Variants in VCL observed in about 807,000 individuals in gnomAD.
VCL encodes the protein epididymis luminal protein 114.
Under a neutral mutation model 125.7 loss-of-function variants are expected in VCL, and 47 were observed. The ratio of observed to expected loss-of-function variants is 0.37; its 90% CI spans 0.30 to 0.48. VCL has a LOEUF of 0.48. VCL is among the 20% of genes least tolerant of loss of function. VCL has a pLI of 0.99. For synonymous variants in VCL, 458 were observed against 514.6 expected (o/e 0.89, Z 1.49); for missense variants, 1,069 against 1,455.5 (o/e 0.73, Z 4.32).
At chr10:74,012,748 C>T (rs1840459066) in intron 1 of VCL, among the ~76,000 whole-genome samples, 1 of 152,132 alleles carries the variant, frequency 6.6e-6, no homozygotes, top group African/African-American at 2.4e-5. Context: ...CCCAAACTCA[C>T]TGGGTTTTTG....
chr10:74,072,774 C>G lies in VCL; in HGVS notation c.544C>G (p.Leu182Val). Residue 182 changes from leucine to valine, a missense_variant, in exon 5 of 22, where the codon CTC becomes GTC. This residue lies in a region of VCL where 760 missense variants were observed against 928.9 expected (regional missense o/e 0.82). Coordinates refer to ENST00000211998, the MANE Select transcript of VCL (RefSeq NM_014000.3). ...AKMIDERQQE[L>V]THQEHRVMLV... ...GATGATTGACGAGAGACAGCAGGAGCTCACTCACCAGGAGCACCGAGTGAT... is the reference window on the plus strand; with the variant it reads ...GATGATTGACGAGAGACAGCAGGAGGTCACTCACCAGGAGCACCGAGTGAT... 6.2e-7 allele frequency: 1 copy of G among 1,614,106 alleles called. No individual in the cohort carries two copies. The highest frequency in any genetic ancestry group is 8.5e-7 in the Non-Finnish European group (1 of 1,180,008).
chr10:74,007,125 A>G (rs545262110), intron 1 of VCL, among the ~76,000 whole-genome samples: 419 of 152,190 alleles, frequency 2.8e-3, no homozygotes, highest in Middle Eastern at 0.017. Flanking sequence ...ATCATGCCCA[A>G]CTATTTTTGT....
At chr10:74,001,059 C>T (rs898507017) in intron 1 of VCL, among the ~76,000 whole-genome samples, 2 of 152,082 alleles carry the variant, frequency 1.3e-5, no homozygotes, top group African/African-American at 4.8e-5. Context: ...GAAGTTAGTG[C>T]GTGACATATG....
chr10:74,065,699 A>G (rs949860695), intron 2 of VCL, among the ~76,000 whole-genome samples: 1 of 150,462 alleles, frequency 6.6e-6, no homozygotes, highest in African/African-American at 2.5e-5. Context: ...AAAAAAAGAA[A>G]AAAAAAGCAA....
rs551418878 is a variant in VCL, at chr10:73,998,144, G to T, written c.-64G>T. ...CGCTGCACAGTCTGTCTCTTCGCCGGTTCCCGGCCCCGTGGATCCTACTTC... is the reference window on the plus strand; with the variant it reads ...CGCTGCACAGTCTGTCTCTTCGCCGTTTCCCGGCCCCGTGGATCCTACTTC... On this transcript the variant is annotated 5_prime_UTR_variant, in exon 1 of 22. Coordinates refer to ENST00000211998, the MANE Select transcript of VCL (RefSeq NM_014000.3). The T allele has an allele frequency of 2.5e-6, 4 of 1,581,022 alleles. No individual in the cohort carries two copies. Among genetic ancestry groups the T allele is most frequent in the East Asian group, 4.7e-5 (2 of 42,800 alleles).
intron 15 of VCL, 164 bp from the exon 16 acceptor site, chr10:74,104,887 T>C: frequency 1.3e-6 from 1 of 781,690 alleles, no homozygotes; most frequent in Non-Finnish European, 2.0e-6. Context: ...TTTTTTTAAC[T>C]GTGGTGTTTA....
At chr10:74,056,365 G>A (rs968625654) in intron 2 of VCL, among the ~76,000 whole-genome samples, 1 of 152,038 alleles carries the variant, frequency 6.6e-6, no homozygotes, top group Non-Finnish European at 1.5e-5. Context: ...AATGGAAATT[G>A]TATATATTTA....
intron 19 of VCL, among the ~76,000 whole-genome samples, chr10:74,113,155 A>T (rs911219547): frequency 6.6e-6 from 1 of 152,212 alleles, no homozygotes. Context: ...ATGAGGGGAA[A>T]AATGAGTAGG....
At chr10:74,110,428 T>C (rs1840203125) in intron 18 of VCL, among the ~76,000 whole-genome samples, 1 of 152,210 alleles carries the variant, frequency 6.6e-6, no homozygotes, top group Admixed American at 6.5e-5. Context: ...GATCAGGAGT[T>C]TGCTGACTTT....
chr10:74,000,259 CTTT>C (rs34197555), intron 1 of VCL, among the ~76,000 whole-genome samples: 1 of 114,822 alleles, frequency 8.7e-6, no homozygotes, highest in Non-Finnish European at 1.7e-5. Context: ...TTGTATTTTG[CTTT>C]TTTTTTTTTT....
At chr10:74,094,495 T>C (rs1316219173) in intron 11 of VCL, 34 bp downstream of exon 11, 6 of 1,600,702 alleles carry the variant, frequency 3.7e-6, no homozygotes, top group Admixed American at 1.7e-5. Flanking sequence ...CCTCATTAAA[T>C]TGGTCTCAGT....
At chr10:74,057,103 T>C (rs1236170288) in intron 2 of VCL, among the ~76,000 whole-genome samples, 1 of 151,994 alleles carries the variant, frequency 6.6e-6, no homozygotes, top group Non-Finnish European at 1.5e-5. Context: ...CCATCATGCA[T>C]GGCTAATTTT....
intron 1 of VCL, among the ~76,000 whole-genome samples, chr10:74,040,819 A>G (rs565055276): frequency 6.6e-6 from 1 of 152,324 alleles, no homozygotes; most frequent in South Asian, 2.1e-4. Context: ...TTCCCTGAGA[A>G]TAGTTTATTG....
At chr10:74,031,287 A>G (rs1840869202) in intron 1 of VCL, among the ~76,000 whole-genome samples, 1 of 152,036 alleles carries the variant, frequency 6.6e-6, no homozygotes, top group Non-Finnish European at 1.5e-5. Flanking sequence ...CCTCCTGGTA[A>G]AGGTTAGTCT....
chr10:74,094,492 A>C (rs767594401), intron 11 of VCL, 31 bp downstream of exon 11: 2 of 1,603,712 alleles, frequency 1.2e-6, no homozygotes, highest in East Asian at 4.5e-5. Flanking sequence ...TAACCTCATT[A>C]AATTGGTCTC....
rs189876640 is a variant in VCL, at chr10:74,070,640, C to T, written c.240-30C>T. 51 of 1,613,604 alleles carry T rather than the reference C, an allele frequency of 3.2e-5. No homozygotes were observed. The Middle Eastern group carries it at 6.6e-4, about 21-fold the overall frequency. On this transcript the variant is annotated intron_variant, in intron 2 of 21. Coordinates refer to ENST00000211998, the MANE Select transcript of VCL (RefSeq NM_014000.3). ...ATGGTATTCTTCTGTGTGGTTCTGC[C>T]GGTGTGTTAACCTGTGTTCTTCCCT...
intron 1 of VCL, among the ~76,000 whole-genome samples, chr10:74,038,216 C>T (rs758657905): frequency 3.9e-5 from 6 of 151,946 alleles, no homozygotes; most frequent in South Asian, 4.1e-4. Flanking sequence ...AGGGTGGTCT[C>T]GAATTCCTGA....
chr10:74,018,222 ATTATT>A (rs1555114518), intron 1 of VCL, among the ~76,000 whole-genome samples: 4 of 142,666 alleles, frequency 2.8e-5, no homozygotes, highest in Admixed American at 2.1e-4. Flanking sequence ...ATATATGTGT[ATTATT>A]TTATTTTATT....
intron 2 of VCL, among the ~76,000 whole-genome samples, chr10:74,049,350 T>C (rs1426355466): frequency 1.6e-4 from 24 of 152,202 alleles, no homozygotes; most frequent in Admixed American, 1.6e-3. Flanking sequence ...ACTTGAGTTT[T>C]ATTTTTCTAT....
Sources: gnomAD v4.1 joint callset for allele counts (sites outside exome capture counted in the v4.1 genomes callset) on GRCh38, gnomAD v4.1.1 for gene constraint, gnomAD v4.1.1 regional missense constraint, MANE v1.5 for transcripts, NCBI Gene and HGNC (gene_info 2026-07-23, HGNC 2026-07-21) for gene names.